The following RFK variants were observed in gnomAD, a reference collection of about 807,000 sequenced individuals.
RFK encodes the protein 0610038L10Rik.
Under a neutral mutation model 17.6 loss-of-function variants are expected in RFK, and 4 were observed. The observed-to-expected ratio is 0.23, with a 90% CI of 0.11 to 0.52. The LOEUF (loss-of-function observed/expected upper bound fraction) is 0.52, where lower values mean the gene tolerates loss of function less well. Ranked by LOEUF, RFK falls within the 20% of genes least tolerant of loss-of-function variation. RFK has a pLI of 0.96. For synonymous variants in RFK, 59 were observed against 63.8 expected, an observed-to-expected ratio of 0.92 and a Z score of 0.36; for missense variants, 189 against 187.7, an observed-to-expected ratio of 1.01 and a Z score of -0.04.
Position 76,387,260 on chromosome 9 carries a change from T to TA in RFK, c.*138dup. The TA allele has an allele frequency of 1.4e-6, 1 of 737,800 alleles. No individual in the cohort carries two copies. The highest frequency in any genetic ancestry group is 2.2e-6 in the Non-Finnish European group (1 of 451,562). The allele number at this position is 737,800 out of a possible 1,614,324, so 45.7% of individuals were successfully genotyped here. A position where few individuals can be genotyped will look rare whatever the true frequency, so the allele number is the denominator to read the frequency against. On this transcript the variant is annotated 3_prime_UTR_variant, in exon 4 of 4. Coordinates refer to ENST00000376736, the MANE Select transcript of RFK (RefSeq NM_018339.6). ...ATTTAATAGTTGAAGCATGATATGA[T>TA]AACAACATTGTACGGTTTAAACTAA...
At chr9:76,393,084 A>G (rs1822837783) in intron 1 of RFK, among the ~76,000 whole-genome samples, 3 of 152,188 alleles carry the variant, frequency 2.0e-5, no homozygotes, top group Admixed American at 6.5e-5. Flanking sequence ...AGGTAAGTAT[A>G]TAAAGCTCTC....
At chr9:76,389,917 T>C (rs1463915679) in intron 2 of RFK, among the ~76,000 whole-genome samples, 1 of 152,144 alleles carries the variant, frequency 6.6e-6, no homozygotes, top group Non-Finnish European at 1.5e-5. Flanking sequence ...TTTTTTAAAA[T>C]AGGAGAAACT....
chr9:76,391,574 C>T (rs764567808), intron 2 of RFK, among the ~76,000 whole-genome samples: 2 of 152,196 alleles, frequency 1.3e-5, no homozygotes, highest in Non-Finnish European at 2.9e-5. Flanking sequence ...TTGTGGCAAG[C>T]TCAATTTTAT....
chr9:76,387,569 A>G, intron 3 of RFK, 40 bp from the exon 4 acceptor site: 1 of 1,578,900 alleles, frequency 6.3e-7, no homozygotes, highest in African/African-American at 1.4e-5. Flanking sequence ...ATGAAAAACC[A>G]TTAACATACT....
At position 76,387,369 on chromosome 9, in the gene RFK, C is replaced by G; in HGVS notation, c.*30G>C. On this transcript the variant is annotated 3_prime_UTR_variant, in exon 4 of 4. Coordinates refer to ENST00000376736, the MANE Select transcript of RFK (RefSeq NM_018339.6). ...TAATAAACACAGAAACACTAGAAAA[C>G]AGTGAATGAATAAATAATACAATTT... 1 of 1,586,302 alleles carries G rather than the reference C, an allele frequency of 6.3e-7. No homozygotes were observed. The highest frequency in any genetic ancestry group is 1.3e-5 in the African/African-American group (1 of 74,238).
chr9:76,391,661 T>C (rs1684426083), intron 2 of RFK, among the ~76,000 whole-genome samples: 1 of 152,266 alleles, frequency 6.6e-6, no homozygotes, highest in Non-Finnish European at 1.5e-5. Flanking sequence ...GTCAGTATTA[T>C]AATTTTGGTT....
At chr9:76,394,020 T>A in intron 1 of RFK, 70 bp downstream of exon 1, 2 of 1,452,596 alleles carry the variant, frequency 1.4e-6, no homozygotes, top group Non-Finnish European at 1.9e-6. Context: ...CGGTCCCAAG[T>A]CCCCGGCTGC....
rs1587389506 is a variant in RFK at position 76,385,926 on chromosome 9, CA to C, written c.*1472del. On this transcript the variant is annotated 3_prime_UTR_variant, in exon 4 of 4. Transcript: ENST00000376736. ...AAGAAATAAAAAGCAAAACGCAATCCAACTATTTATATGAGTCCCTCTTCTC... is the reference window on the plus strand; with the variant it reads ...AAGAAATAAAAAGCAAAACGCAATCCACTATTTATATGAGTCCCTCTTCTC... The C allele has an allele frequency of 2.0e-5, 3 of 152,224 alleles. No homozygotes were observed. In the East Asian group the frequency reaches 5.8e-4, roughly 29 times the overall value. 9.4% of individuals were successfully genotyped at this position (152,224 alleles called of 1,614,324 possible). A position where few individuals can be genotyped will look rare whatever the true frequency, so the allele number is the denominator to read the frequency against.
intron 1 of RFK, chr9:76,393,852 T>C: frequency 1.9e-6 from 1 of 515,050 alleles, no homozygotes; most frequent in Non-Finnish European, 3.4e-6. Context: ...ATCTCGGGCT[T>C]CCGGCCCTCA....
intron 3 of RFK, chr9:76,388,345 TC>T: frequency 1.6e-6 from 1 of 638,286 alleles, no homozygotes; most frequent in South Asian, 1.6e-5. Context: ...TTACTTAATC[TC>T]TCTGTGCCAT....
intron 2 of RFK, among the ~76,000 whole-genome samples, chr9:76,389,112 G>C (rs1487116887): frequency 6.6e-6 from 1 of 152,188 alleles, no homozygotes; most frequent in Admixed American, 6.5e-5. Context: ...AGGACTGAAG[G>C]GGCAGGAGAG....
chr9:76,391,979 T>C (rs1822825607), intron 2 of RFK, among the ~76,000 whole-genome samples: 1 of 151,612 alleles, frequency 6.6e-6, no homozygotes, highest in Non-Finnish European at 1.5e-5. Context: ...CTGTATGCTA[T>C]TGAAATTAAG....
Position 76,388,622 on chromosome 9 carries a change from A to C in RFK, c.269T>G (p.Phe90Cys). 1 of 1,612,196 alleles carries C rather than the reference A, an allele frequency of 6.2e-7. No individual in the cohort carries two copies. Among genetic ancestry groups the C allele is most frequent in the South Asian group, 1.1e-5 (1 of 90,992 alleles). The change falls in exon 3 of 4, where the codon TTC becomes TGC. Residue 90 changes from phenylalanine to cysteine, a missense_variant. Phe to Cys is a radical substitution (Grantham distance 205, BLOSUM62 -2). This residue lies in a region of RFK where 95 missense variants were observed against 95.7 expected (regional missense o/e 0.99). Transcript: ENST00000376736. ...THIMHTFKED[F>C]YGEILNVAIV... ...GGCCACATTGAGGATTTCCCCATAG[A>C]AGTCCTCTTTGAAGGTATGCATGAT...
In RFK at chr9:76,394,328, G is replaced by A. The variant is rs1822863202; in HGVS notation, c.-157C>T. On this transcript the variant is annotated 5_prime_UTR_variant, in exon 1 of 4. Transcript: ENST00000376736. ...AGTGGCCGGACGACGCCGACCACAG[G>A]CCACTGCGAATCCCTGACGCCGCCG... 39 of 617,524 alleles carry A rather than the reference G, an allele frequency of 6.3e-5. No individual in the cohort carries two copies. In the South Asian group the frequency reaches 9.1e-4, roughly 14 times the overall value. The allele number at this position is 617,524 out of a possible 1,614,324, so 38.3% of individuals were successfully genotyped here. A position where few individuals can be genotyped will look rare whatever the true frequency, so the allele number is the denominator to read the frequency against.
At position 76,386,168 on chromosome 9, in the gene RFK, T is replaced by A. The variant is rs1822728223; in HGVS notation, c.*1231A>T. On this transcript the variant is annotated 3_prime_UTR_variant, in exon 4 of 4. Coordinates refer to ENST00000376736, the MANE Select transcript of RFK (RefSeq NM_018339.6). ...ACTGTTTGAGGGGGCCCAAAGCATC[T>A]GTAATCTTAATTTCCCACATATTAG... The A allele has an allele frequency of 6.6e-6, 1 of 152,202 alleles. No individual in the cohort carries two copies. 9.4% of individuals were successfully genotyped at this position (152,202 alleles called of 1,614,324 possible).
intron 3 of RFK, 50 bp from the exon 4 acceptor site, chr9:76,387,579 T>C (rs765496539): frequency 5.2e-6 from 8 of 1,552,470 alleles, no homozygotes; most frequent in Non-Finnish European, 7.0e-6. Context: ...ATTAACATAC[T>C]TTTTACTACT....
intron 2 of RFK, among the ~76,000 whole-genome samples, chr9:76,389,364 G>C (rs1308839496): frequency 6.6e-6 from 1 of 152,148 alleles, no homozygotes; most frequent in East Asian, 1.9e-4. Flanking sequence ...GTGGGGGGCG[G>C]CTTGAGTTAG....
intron 2 of RFK, among the ~76,000 whole-genome samples, chr9:76,390,590 G>GA (rs1387518197): frequency 1.3e-5 from 2 of 151,866 alleles, no homozygotes; most frequent in African/African-American, 4.8e-5. Flanking sequence ...CTTCAGCCCA[G>GA]AAAGTTGAGG....
intron 1 of RFK, chr9:76,393,570 G>A (rs1822847057): frequency 6.5e-6 from 1 of 152,682 alleles, no homozygotes; most frequent in African/African-American, 2.4e-5. Context: ...ACGCAGCTCT[G>A]GCATGTATTT....
Sources: gnomAD v4.1 joint callset for allele counts (sites outside exome capture counted in the v4.1 genomes callset) on GRCh38, gnomAD v4.1.1 for gene constraint, gnomAD v4.1.1 regional missense constraint, MANE v1.5 for transcripts, NCBI Gene and HGNC (gene_info 2026-07-23, HGNC 2026-07-21) for gene names.